ASNS: variants seen among roughly 807,000 people sequenced by gnomAD.
ASNS encodes asparagine synthetase (glutamine-hydrolyzing), also known as asparagine synthetase [glutamine-hydrolyzing].
Under a neutral mutation model 62.6 loss-of-function variants are expected in ASNS, and 37 were observed. The observed-to-expected ratio is 0.59, with a 90% CI of 0.45 to 0.78. The LOEUF (loss-of-function observed/expected upper bound fraction) is 0.78. Ranked by LOEUF, ASNS falls within the 30% of genes least tolerant of loss-of-function variation. The pLI, the probability that ASNS is intolerant of heterozygous loss-of-function variation, is 0.00. For synonymous variants in ASNS, 207 were observed against 237.9 expected (o/e 0.87, Z 1.19); for missense variants, 520 against 682.4 (o/e 0.76, Z 2.65).
the ASNS span, among the ~76,000 whole-genome samples, chr7:97,913,496 C>A: frequency 6.6e-6 from 1 of 152,134 alleles, no homozygotes; most frequent in South Asian, 2.1e-4. Flanking sequence ...GCAGCATCTG[C>A]CAAGAATAAT....
chr7:97,870,862 A>G (rs568009733), intron 1 of ASNS, among the ~76,000 whole-genome samples: 1 of 152,234 alleles, frequency 6.6e-6, no homozygotes, highest in South Asian at 2.1e-4. Flanking sequence ...ACTGGAGGGG[A>G]AAAAGGGAGA....
At chr7:97,877,762 C>A in the ASNS span, among the ~76,000 whole-genome samples, 1 of 152,266 alleles carries the variant, frequency 6.6e-6, no homozygotes, top group Admixed American at 6.5e-5. Context: ...CTGATTAGGT[C>A]TGGCCCACCT....
At chr7:97,926,277 C>A in the ASNS span, among the ~76,000 whole-genome samples, 1 of 152,020 alleles carries the variant, frequency 6.6e-6, no homozygotes, top group East Asian at 1.9e-4. Flanking sequence ...TGAGAAAGAA[C>A]ATTTTATCCT....
intron 10 of ASNS, 114 bp downstream of exon 10, chr7:97,854,466 A>C (rs1368328550): frequency 1.6e-6 from 2 of 1,286,508 alleles, no homozygotes; most frequent in Admixed American, 2.5e-5. Flanking sequence ...ACTATATGTA[A>C]CATATAGCCA....
chr7:97,886,209 A>G, the ASNS span: 859 of 248,702 alleles, frequency 3.5e-3, 4 homozygotes, highest in African/African-American at 0.018. Context: ...GGGCAGTGGC[A>G]TGATCTCAGC....
the ASNS span, among the ~76,000 whole-genome samples, chr7:97,915,177 G>A: frequency 6.6e-6 from 1 of 152,202 alleles, no homozygotes; most frequent in Non-Finnish European, 1.5e-5. Context: ...AGGCAAGCAT[G>A]GTCCTGACAC....
At chr7:97,922,999 A>G in the ASNS span, among the ~76,000 whole-genome samples, 1 of 152,110 alleles carries the variant, frequency 6.6e-6, no homozygotes, top group African/African-American at 2.4e-5. Flanking sequence ...CATGTTGGCT[A>G]GGCTGGTCTC....
chr7:97,875,666 C>CA (rs1792422846), upstream of ASNS, among the ~76,000 whole-genome samples: 1 of 152,138 alleles, frequency 6.6e-6, no homozygotes, highest in East Asian at 1.9e-4. Flanking sequence ...GTTCATTGGA[C>CA]AAAACGGATC....
chr7:97,859,037 C>T lies in ASNS; in HGVS notation c.674-82G>A, dbSNP rs920291284. On this transcript the variant is annotated intron_variant, in intron 5 of 12. Coordinates refer to ENST00000394308, the MANE Select transcript of ASNS (RefSeq NM_001673.5). ...TTGAAATGAAATACACAATCATCAACATCTATCATGATGGTATTTACTCAA... is the reference window on the plus strand; with the variant it reads ...TTGAAATGAAATACACAATCATCAATATCTATCATGATGGTATTTACTCAA... 6.3e-6 allele frequency: 9 copies of T among 1,420,140 alleles called. No individual in the cohort carries two copies. In the African/African-American group the frequency reaches 8.6e-5, roughly 14 times the overall value. 88.0% of individuals were successfully genotyped at this position (1,420,140 alleles called of 1,614,324 possible).
chr7:97,869,136 C>T lies in ASNS; in HGVS notation c.21G>A (p.Leu7=). MCGIWA[L]FGSDDCLSVQ... ...CAGAAAGGCAATCATCACTGCCAAA[C>T]AGCGCCCAAATGCCACACATGGTGC... Residue 7 remains leucine (L), a synonymous_variant, in exon 3 of 13, where the codon CTG becomes CTA. Coordinates refer to ENST00000394308, the MANE Select transcript of ASNS (RefSeq NM_001673.5). 2 of 1,614,166 alleles carry T rather than the reference C, an allele frequency of 1.2e-6. No individual in the cohort carries two copies. The highest frequency in any genetic ancestry group is 2.2e-5 in the East Asian group (1 of 44,874).
the ASNS span, among the ~76,000 whole-genome samples, chr7:97,912,157 A>G: frequency 6.6e-6 from 1 of 152,158 alleles, no homozygotes; most frequent in African/African-American, 2.4e-5. Context: ...AGAGAGGTAA[A>G]CCTGCCCAGG....
At chr7:97,889,737 G>A in the ASNS span, among the ~76,000 whole-genome samples, 1 of 151,648 alleles carries the variant, frequency 6.6e-6, no homozygotes, top group Admixed American at 6.6e-5. Flanking sequence ...TGACTGTTAT[G>A]TCAGAGGCAC....
the ASNS span, among the ~76,000 whole-genome samples, chr7:97,906,022 G>A: frequency 6.6e-6 from 1 of 152,104 alleles, no homozygotes; most frequent in East Asian, 1.9e-4. Flanking sequence ...AGTAACTGCC[G>A]ATTTTGCCAT....
At chr7:97,912,591 T>TCC in the ASNS span, among the ~76,000 whole-genome samples, 1 of 79,376 alleles carries the variant, frequency 1.3e-5, no homozygotes, top group Non-Finnish European at 2.4e-5. Context: ...TTTTTTTTTT[T>TCC]TTCTGTTTTC....
At chr7:97,859,172 C>G in intron 5 of ASNS, 41 bp downstream of exon 5, 3 of 1,555,470 alleles carry the variant, frequency 1.9e-6, no homozygotes, top group Non-Finnish European at 2.6e-6. Flanking sequence ...ATTTTTTTCC[C>G]TTGGAGAAGG....
At chr7:97,896,799 T>C in the ASNS span, among the ~76,000 whole-genome samples, 1 of 111,570 alleles carries the variant, frequency 9.0e-6, no homozygotes, top group Non-Finnish European at 1.8e-5. Flanking sequence ...CAAAACAGCG[T>C]GTATTGGTAT....
intron 9 of ASNS, chr7:97,855,082 A>G: frequency 2.6e-6 from 1 of 385,106 alleles, no homozygotes; most frequent in Non-Finnish European, 4.7e-6. Flanking sequence ...GGTTCAGGTG[A>G]TCCTCCCACC....
the ASNS span, among the ~76,000 whole-genome samples, chr7:97,919,198 C>A: frequency 1.3e-5 from 2 of 152,216 alleles, no homozygotes; most frequent in Admixed American, 6.5e-5. Context: ...TCACTGCAAC[C>A]TGCTGCTTCT....
chr7:97,883,772 CGTTA>C, the ASNS span, among the ~76,000 whole-genome samples: 267 of 151,406 alleles, frequency 1.8e-3, no homozygotes, highest in African/African-American at 6.4e-3. Flanking sequence ...CGGATCATGA[CGTTA>C]GGAGATCCAG....
Sources: allele counts gnomAD v4.1 joint callset (sites outside exome capture counted in the v4.1 genomes callset), GRCh38; gene constraint gnomAD v4.1.1; transcripts MANE v1.5; gene names NCBI Gene and HGNC (gene_info 2026-07-23, HGNC 2026-07-21).